The following MCU variants were observed in gnomAD, a reference collection of about 807,000 sequenced individuals.
MCU encodes mitochondrial calcium uniporter.
MCU carries 12 observed loss-of-function variants against 45.2 expected under a neutral mutation model. The ratio of observed to expected loss-of-function variants is 0.27; its 90% CI spans 0.17 to 0.43. MCU has a LOEUF of 0.43. Among genes scored for constraint, MCU ranks in the 20% least tolerant of loss-of-function variants. MCU has a pLI of 1.00. For synonymous variants in MCU, 160 were observed against 165.1 expected (o/e 0.97, Z 0.24); for missense variants, 324 against 436.7 (o/e 0.74, Z 2.30).
intron 4 of MCU, among the ~76,000 whole-genome samples, chr10:72,862,556 C>T (rs1845394937): frequency 6.6e-6 from 1 of 152,190 alleles, no homozygotes; most frequent in Non-Finnish European, 1.5e-5. Flanking sequence ...AGATCCCTCA[C>T]ATGCACAATT....
rs1166011667 is a variant in MCU at position 72,710,335 on chromosome 10, A to C, written c.150+18034A>C. Among the ~76,000 whole-genome samples the C allele has an allele frequency of 2.6e-5, 4 of 152,274 alleles. No individual in the cohort carries two copies. The East Asian group carries it at 7.7e-4, about 29-fold the overall frequency. ...ACATGAGAAAGTAGAAAATGAAAGG[A>C]AACTATAATAGATTTCTTGCCTAAA... On this transcript the variant is annotated intron_variant, in intron 1 of 7. Transcript: ENST00000373053.
At chr10:72,699,748 C>G (rs1197509529) in intron 1 of MCU, among the ~76,000 whole-genome samples, 4 of 151,758 alleles carry the variant, frequency 2.6e-5, no homozygotes, top group Non-Finnish European at 4.4e-5. Flanking sequence ...TGCGCCACCG[C>G]CCCCTGCCGA....
chr10:72,829,673 G>GA (rs1844851601), intron 1 of MCU, among the ~76,000 whole-genome samples: 3 of 150,316 alleles, frequency 2.0e-5, no homozygotes, highest in African/African-American at 7.3e-5. Flanking sequence ...CTATTTTCTT[G>GA]TGACATGTTA....
chr10:72,820,547 G>A (rs544908798), intron 1 of MCU, among the ~76,000 whole-genome samples: 1 of 149,014 alleles, frequency 6.7e-6, no homozygotes, highest in East Asian at 1.9e-4. Flanking sequence ...AGTCTCACTT[G>A]TTGCTCAGGC....
chr10:72,811,519 A>T (rs1332229519), intron 1 of MCU, among the ~76,000 whole-genome samples: 1 of 152,212 alleles, frequency 6.6e-6, no homozygotes, highest in African/African-American at 2.4e-5. Context: ...TATTCTTACA[A>T]TTGGATTTTC....
At chr10:72,762,375 A>G (rs1199919937) in intron 1 of MCU, among the ~76,000 whole-genome samples, 1 of 152,180 alleles carries the variant, frequency 6.6e-6, no homozygotes, top group Non-Finnish European at 1.5e-5. Context: ...CCTAATGACA[A>G]TACATACTAT....
At chr10:72,814,003 G>T (rs758018475) in intron 1 of MCU, among the ~76,000 whole-genome samples, 16 of 152,120 alleles carry the variant, frequency 1.1e-4, no homozygotes, top group Non-Finnish European at 2.2e-4. Context: ...TAGACCCAAA[G>T]AATTTTAAAC....
intron 1 of MCU, among the ~76,000 whole-genome samples, chr10:72,817,026 C>T (rs1844638425): frequency 6.6e-6 from 1 of 152,180 alleles, no homozygotes; most frequent in East Asian, 1.9e-4. Flanking sequence ...TATTCCTCCC[C>T]TGACACCTTA....
chr10:72,847,525 C>G (rs569901291), intron 2 of MCU, among the ~76,000 whole-genome samples: 10 of 152,116 alleles, frequency 6.6e-5, no homozygotes, highest in Admixed American at 5.9e-4. Context: ...AAAAAAAATA[C>G]TATATATAGG....
intron 1 of MCU, among the ~76,000 whole-genome samples, chr10:72,823,519 T>G (rs960191690): frequency 1.3e-5 from 2 of 152,178 alleles, no homozygotes; most frequent in Non-Finnish European, 2.9e-5. Flanking sequence ...TTGAATTATA[T>G]GTGAAAATCA....
intron 2 of MCU, among the ~76,000 whole-genome samples, chr10:72,841,966 T>C (rs1845054584): frequency 6.6e-6 from 1 of 152,236 alleles, no homozygotes; most frequent in African/African-American, 2.4e-5. Context: ...TTTCGGGCTT[T>C]ATGAATGAGT....
intron 6 of MCU, among the ~76,000 whole-genome samples, chr10:72,872,785 G>C (rs566265607): frequency 1.3e-5 from 2 of 152,228 alleles, no homozygotes; most frequent in South Asian, 4.1e-4. Context: ...ATGCCCACTA[G>C]TGGGATTGCC....
At chr10:72,793,040 G>A (rs1448132439) in intron 1 of MCU, among the ~76,000 whole-genome samples, 1 of 151,946 alleles carries the variant, frequency 6.6e-6, no homozygotes, top group African/African-American at 2.4e-5. Context: ...CACCATGCCC[G>A]GCTAATTTTT....
chr10:72,846,189 C>T (rs1317615917), intron 2 of MCU, among the ~76,000 whole-genome samples: 1 of 152,058 alleles, frequency 6.6e-6, no homozygotes. Flanking sequence ...ATTACAGGTG[C>T]CTGCCACCAC....
At chr10:72,759,259 C>T (rs1021970100) in intron 1 of MCU, among the ~76,000 whole-genome samples, 1 of 152,074 alleles carries the variant, frequency 6.6e-6, no homozygotes, top group African/African-American at 2.4e-5. Context: ...GTGAGAGGGT[C>T]GTGATTGATT....
At chr10:72,818,715 C>T (rs540912268) in intron 1 of MCU, among the ~76,000 whole-genome samples, 1 of 152,084 alleles carries the variant, frequency 6.6e-6, no homozygotes, top group Admixed American at 6.6e-5. Flanking sequence ...GTGGTGCATA[C>T]GTGTAATCCC....
chr10:72,726,490 A>G (rs563941811), intron 1 of MCU, among the ~76,000 whole-genome samples: 2 of 152,120 alleles, frequency 1.3e-5, no homozygotes, highest in South Asian at 4.1e-4. Flanking sequence ...TTACTGGTGG[A>G]CATTCACTTT....
In MCU at chr10:72,884,930, A is replaced by G. The variant is rs569277852; in HGVS notation, c.978+548A>G. On this transcript the variant is annotated intron_variant, in intron 7 of 7. Transcript: ENST00000373053. ...CTGGATGTGCCTCCCTCACTCTGTT[A>G]TCTTTGATTTTGGTGAATAAACCCT... Among the ~76,000 whole-genome samples, 28 of 152,240 alleles carry G rather than the reference A, an allele frequency of 1.8e-4. No homozygotes were observed. In the South Asian group the frequency reaches 5.6e-3, roughly 30 times the overall value.
At chr10:72,732,796 A>G (rs1843193237) in intron 1 of MCU, among the ~76,000 whole-genome samples, 2 of 152,248 alleles carry the variant, frequency 1.3e-5, no homozygotes, top group Non-Finnish European at 2.9e-5. Flanking sequence ...CAGTTGGTTT[A>G]ACTAGATCAT....
Sources: gnomAD v4.1 joint callset for allele counts (sites outside exome capture counted in the v4.1 genomes callset) on GRCh38, gnomAD v4.1.1 for gene constraint, MANE v1.5 for transcripts, NCBI Gene and HGNC (gene_info 2026-07-23, HGNC 2026-07-21) for gene names.